Variants in PC observed in about 807,000 individuals in gnomAD.
The protein encoded by PC is pyruvate carboxylase, also known as pyruvate carboxylase, mitochondrial.
A neutral mutation model predicts 107.8 loss-of-function variants in PC; 46 were observed. The observed-to-expected ratio is 0.43, with a 90% CI of 0.34 to 0.55. The LOEUF (loss-of-function observed/expected upper bound fraction) is 0.55, where lower values mean the gene tolerates loss of function less well. Ranked by LOEUF, PC falls within the 20% of genes least tolerant of loss-of-function variation. The pLI is 0.04. For missense variants in PC, 1,241 were observed against 1,643.1 expected, an observed-to-expected ratio of 0.76 and a Z score of 4.23; for synonymous variants, 662 against 684.7, an observed-to-expected ratio of 0.97 and a Z score of 0.52.
chr11:66,942,616 C>T (rs1158197116), intron 3 of PC, among the ~76,000 whole-genome samples: 1 of 151,946 alleles, frequency 6.6e-6, no homozygotes, highest in Non-Finnish European at 1.5e-5. Flanking sequence ...TTAAGGGTTA[C>T]AGAGCTTCAG....
chr11:66,941,115 C>T (rs534586951), intron 3 of PC, among the ~76,000 whole-genome samples: 5 of 144,722 alleles, frequency 3.5e-5, no homozygotes, highest in African/African-American at 1.3e-4. Context: ...CTCAACATCA[C>T]TAATCATTAA....
intron 12 of PC, chr11:66,859,637 G>A (rs1289602728): frequency 6.8e-6 from 11 of 1,612,866 alleles, no homozygotes; most frequent in South Asian, 1.1e-5. Context: ...TTGCCTGCAG[G>A]ATTGTCCCAG....
chr11:66,886,713 TAAAG>T (rs1947377046), intron 3 of PC, among the ~76,000 whole-genome samples: 1 of 152,002 alleles, frequency 6.6e-6, no homozygotes, highest in Admixed American at 6.5e-5. Flanking sequence ...AACACCAAAT[TAAAG>T]AACGCGAAGC....
chr11:66,910,034 T>C (rs1245167750), intron 3 of PC, among the ~76,000 whole-genome samples: 1 of 152,142 alleles, frequency 6.6e-6, no homozygotes, highest in Non-Finnish European at 1.5e-5. Flanking sequence ...TAACCTTCCA[T>C]GCAATTGTAA....
chr11:66,946,092 C>CAAAAAAAAA (rs757767116), intron 3 of PC, among the ~76,000 whole-genome samples: 1 of 66,072 alleles, frequency 1.5e-5, no homozygotes, highest in Non-Finnish European at 3.2e-5. Context: ...GACTCCGTCT[C>CAAAAAAAAA]AAAAAAAAAA....
In PC at chr11:66,849,715, C is replaced by T. The variant is rs746490033; in HGVS notation, c.3043G>A (p.Asp1015Asn). Residue 1015 changes from aspartate (D) to asparagine (N), a missense_variant, in exon 21 of 23, where the codon GAT becomes AAT. Around this residue, in one of 2 missense-constraint regions of PC, gnomAD observed 1,143 missense variants for 1,551.9 expected, o/e 0.74. Transcript: ENST00000393960. ...EDVLSAAMYPDVFAHFKDFTA... is the reference protein window; with the variant it reads ...EDVLSAAMYPNVFAHFKDFTA... ...AAGTCCTTGAAGTGGGCAAACACAT[C>T]GGGGTACATAGCTGCTGAGAGCACA... The T allele has an allele frequency of 1.1e-5, 18 of 1,614,082 alleles. No individual in the cohort carries two copies. Among genetic ancestry groups the T allele is most frequent in the South Asian group, 4.4e-5 (4 of 91,092 alleles).
At chr11:66,868,717 A>G in intron 10 of PC, 129 bp downstream of exon 10, 1 of 733,430 alleles carries the variant, frequency 1.4e-6, no homozygotes, top group Non-Finnish European at 2.5e-6. Flanking sequence ...AAGTACCTGG[A>G]TCCCCATTGC....
rs1392612182 is a variant in PC, at chr11:66,870,295, C to A, written c.903+7G>T. On this transcript the variant is annotated splice_region_variant and intron_variant, in intron 9 of 22. Transcript: ENST00000393960. The surrounding 1 kb of genome is among the most constrained non-coding windows in gnomAD (Gnocchi z 6.1). Reference sequence around the variant, plus strand: ...TCCTGTCCCAACACGGGAAGCCCACCCTTCACCTGTTTAGCGAGTTTCACA... The same window carrying A: ...TCCTGTCCCAACACGGGAAGCCCACACTTCACCTGTTTAGCGAGTTTCACA... 6.2e-7 allele frequency: 1 copy of A among 1,612,930 alleles called. No individual in the cohort carries two copies. Among genetic ancestry groups the A allele is most frequent in the Non-Finnish European group, 8.5e-7 (1 of 1,179,984 alleles).
Position 66,906,652 on chromosome 11 carries a change from TAC to T in PC, c.1-34495_1-34494del, listed in dbSNP as rs1948173609. On this transcript the variant is annotated intron_variant, in intron 3 of 22. Transcript: ENST00000393960. ...CTTTCCCCCTACGAGCATGCCCATG[TAC>T]ACACACATGCACACTGCATTTCTCC... Among the ~76,000 whole-genome samples, 3 of 151,694 alleles carry T rather than the reference TAC, an allele frequency of 2.0e-5. No individual in the cohort carries two copies. In the South Asian group the frequency reaches 6.3e-4, roughly 32 times the overall value.
intron 12 of PC, chr11:66,860,673 C>T (rs1212372123): frequency 2.9e-6 from 2 of 701,452 alleles, no homozygotes; most frequent in East Asian, 2.7e-5. Context: ...TTCTGACCTG[C>T]AAGAGCATGG....
At chr11:66,856,029 C>CCT (rs78196394) in intron 12 of PC, among the ~76,000 whole-genome samples, 64,312 of 152,060 alleles carry the variant, frequency 0.42, 14,760 homozygotes, top group African/African-American at 0.61. Flanking sequence ...GTGGTGACTT[C>CCT]CTGTTTCCCA....
intron 11 of PC, among the ~76,000 whole-genome samples, chr11:66,865,462 C>T (rs894919624): frequency 2.0e-5 from 3 of 152,238 alleles, no homozygotes; most frequent in Non-Finnish European, 2.9e-5. Context: ...CCGAGCAGGC[C>T]GCAGGGCTCC....
At chr11:66,860,531 G>A (rs961113024) in intron 12 of PC, 9 of 701,970 alleles carry the variant, frequency 1.3e-5, no homozygotes, top group East Asian at 1.1e-4. Context: ...GACAGGACAC[G>A]GGCCGCTGGT....
chr11:66,952,351 C>T (rs1949459756), intron 3 of PC, 79 bp downstream of exon 3: 1 of 152,264 alleles, frequency 6.6e-6, no homozygotes, highest in Non-Finnish European at 1.5e-5. Context: ...CCTGACATGC[C>T]AAACTGCTGG....
At chr11:66,867,802 C>G (rs1315561946) in intron 10 of PC, among the ~76,000 whole-genome samples, 1 of 152,230 alleles carries the variant, frequency 6.6e-6, no homozygotes, top group Non-Finnish European at 1.5e-5. Flanking sequence ...CTCACTCGGC[C>G]AAAGTGTTGG....
At position 66,860,007 on chromosome 11, in the gene PC, C is replaced by T. The variant is rs538462029; in HGVS notation, c.1368+3767G>A. On this transcript the variant is annotated intron_variant, in intron 12 of 22. Transcript: ENST00000393960. ...CCCCACACCCAAGGCCCACCCGCCG[C>T]GGAGCCCCCCGCCCCGGCCGCAGCG... The T allele has an allele frequency of 2.2e-5, 35 of 1,591,614 alleles. 1 individual carries two copies. Among genetic ancestry groups the T allele is most frequent in the South Asian group, 1.6e-4 (14 of 88,940 alleles).
rs1374820284 is a variant in PC, at chr11:66,852,698, T to C, written c.1604-38A>G. The C allele has an allele frequency of 9.3e-6, 15 of 1,610,424 alleles. No individual in the cohort carries two copies. The highest frequency in any genetic ancestry group is 1.3e-5 in the Non-Finnish European group (15 of 1,177,024). The stretch of plus-strand genomic sequence containing the variant: ...GGGGCATTGGTGCCCATCCTGCAGG[T>C]GGCAACCTCCTGTCTCCCCCATGAG... On this transcript the variant is annotated intron_variant, in intron 14 of 22. Coordinates refer to ENST00000393960, the MANE Select transcript of PC (RefSeq NM_001040716.2). This position sits in a 1 kb window ranked among gnomAD's most constrained non-coding sequence, Gnocchi z 4.7.
chr11:66,858,611 C>T lies in PC; in HGVS notation c.1368+5163G>A, dbSNP rs751550136. On this transcript the variant is annotated intron_variant, in intron 12 of 22. Transcript: ENST00000393960. This position sits in a 1 kb window ranked among gnomAD's most constrained non-coding sequence, Gnocchi z 5.9. ...CCCTCATTGCCCGCCACACGCAGCG[C>T]CTCTGGGTGCTGGAAGGCCAGCGGG... 2.0e-5 allele frequency: 31 copies of T among 1,535,786 alleles called. 1 individual carries two copies. Among genetic ancestry groups the T allele is most frequent in the Non-Finnish European group, 2.0e-5 (23 of 1,144,194 alleles).
chr11:66,920,034 A>C (rs180865623), intron 3 of PC, among the ~76,000 whole-genome samples: 83 of 152,340 alleles, frequency 5.4e-4, no homozygotes, highest in African/African-American at 1.9e-3. Flanking sequence ...TTGTTGAATG[A>C]ATAAATGAAT....
Sources: gnomAD v4.1 joint callset for allele counts (sites outside exome capture counted in the v4.1 genomes callset) on GRCh38, gnomAD v4.1.1 for gene constraint, gnomAD v4.1.1 regional missense constraint, Gnocchi (gnomAD v3.1) non-coding constraint, MANE v1.5 for transcripts, NCBI Gene and HGNC (gene_info 2026-07-23, HGNC 2026-07-21) for gene names.